The following CFAP47 variants were observed in gnomAD, a reference collection of about 807,000 sequenced individuals.
CFAP47 encodes cilia and flagella associated protein 47, also known as cilia- and flagella-associated protein 47.
In CFAP47, 29 loss-of-function variants were observed where a neutral mutation model predicts 148.1. The observed-to-expected ratio is 0.20, with a 90% confidence interval of 0.15 to 0.27. The LOEUF (loss-of-function observed/expected upper bound fraction) is 0.27. Among genes scored for constraint, CFAP47 ranks in the 10% least tolerant of loss-of-function variants. CFAP47 has a pLI of 1.00. For synonymous variants in CFAP47, 664 were observed against 577.3 expected, an observed-to-expected ratio of 1.15 and a Z score of -2.15; for missense variants, 1,872 against 1,697.5, an observed-to-expected ratio of 1.10 and a Z score of -1.81.
chrX:36,133,349 G>T (rs1160328613), intron 33 of CFAP47, among the ~76,000 whole-genome samples: 1 of 111,090 alleles, frequency 9.0e-6, no homozygotes, highest in Non-Finnish European at 1.9e-5. Context: ...ACTACAGATT[G>T]GGTAATTTAT....
intron 32 of CFAP47, among the ~76,000 whole-genome samples, chrX:36,100,990 A>G (rs755549969): frequency 6.3e-5 from 7 of 111,072 alleles, no homozygotes; most frequent in East Asian, 2.9e-4. Flanking sequence ...TCAGCCACCC[A>G]GATCACCCTC....
In CFAP47 at chrX:35,966,189, A is replaced by ACTAATATTTAAGAGATATTAGCTG. The variant is rs1411471682; in HGVS notation, c.1411-363_1411-362insGATATTAGCTGCTAATATTTAAGA. ...TTAAATAATTTCATTACTTAAAGTT[A>ACTAATATTTAAGAGATATTAGCTG]CTAATATTTAAGAAATATTAGCTGC... is the stretch of plus-strand genomic sequence containing the variant. On this transcript the variant is annotated intron_variant, in intron 8 of 63. Coordinates refer to ENST00000378653, the MANE Select transcript of CFAP47 (RefSeq NM_001304548.2). Among the ~76,000 whole-genome samples, 57 of 16,181 alleles carry ACTAATATTTAAGAGATATTAGCTG rather than the reference A, an allele frequency of 3.5e-3. 22 individuals are homozygous for ACTAATATTTAAGAGATATTAGCTG. The highest frequency in any genetic ancestry group is 8.5e-3 in the East Asian group (4 of 472). The allele number at this position is 16,181 out of a possible 115,157, so 14.1% of individuals were successfully genotyped here.
chrX:36,197,414 C>T (rs1458379586), intron 42 of CFAP47, among the ~76,000 whole-genome samples: 2 of 112,350 alleles, frequency 1.8e-5, no homozygotes, highest in African/African-American at 6.4e-5. Context: ...TAACTCTACA[C>T]TCAATGAGTC....
chrX:36,159,275 A>C (rs190790048), intron 37 of CFAP47, among the ~76,000 whole-genome samples, 151 bp from the exon 38 acceptor site: 26 of 112,330 alleles, frequency 2.3e-4, no homozygotes, highest in African/African-American at 7.7e-4. Context: ...AACCGATGAC[A>C]ATAACTAGAT....
intron 45 of CFAP47, 111 bp from the exon 46 acceptor site, chrX:36,228,517 A>C (rs943972578): frequency 1.3e-5 from 6 of 456,268 alleles, no homozygotes; most frequent in Non-Finnish European, 2.3e-5. Flanking sequence ...AGTGAAACCT[A>C]TTCTAGGTTA....
intron 51 of CFAP47, among the ~76,000 whole-genome samples, chrX:36,286,940 T>C (rs1331469175): frequency 4.5e-5 from 5 of 111,384 alleles, no homozygotes; most frequent in African/African-American, 1.3e-4. Context: ...GCCTTTTTTT[T>C]CTGCAAGAGC....
At chrX:35,960,607 A>C (rs766807892) in intron 8 of CFAP47, among the ~76,000 whole-genome samples, 82 of 110,850 alleles carry the variant, frequency 7.4e-4, no homozygotes, top group Non-Finnish European at 1.4e-3. Flanking sequence ...TTATTTCTAA[A>C]TATTTTATCC....
chrX:36,139,949 A>C (rs1939111635), intron 35 of CFAP47, among the ~76,000 whole-genome samples: 1 of 111,606 alleles, frequency 9.0e-6, no homozygotes, highest in Admixed American at 9.5e-5. Context: ...ACTGCAATCA[A>C]TAATTTTAGT....
intron 48 of CFAP47, among the ~76,000 whole-genome samples, chrX:36,239,353 AT>A (rs1274016840): frequency 8.9e-6 from 1 of 112,460 alleles, no homozygotes; most frequent in Non-Finnish European, 1.9e-5. Context: ...AAAACTCGGA[AT>A]TCTGGAAAGA....
intron 26 of CFAP47, among the ~76,000 whole-genome samples, chrX:36,063,229 T>G (rs890914830): frequency 8.9e-6 from 1 of 111,876 alleles, no homozygotes; most frequent in Non-Finnish European, 1.9e-5. Context: ...TGTGTCTGTA[T>G]GCATTGGCAT....
In CFAP47 at chrX:36,308,429, A is replaced by G. The variant is rs782439100; in HGVS notation, c.8187+1553A>G. 9.9e-5 allele frequency among the ~76,000 whole-genome samples: 11 copies of G among 111,333 alleles called. No individual in the cohort carries two copies. The East Asian group carries it at 2.2e-3, about 23-fold the overall frequency. On this transcript the variant is annotated intron_variant, in intron 55 of 63. Coordinates refer to ENST00000378653, the MANE Select transcript of CFAP47 (RefSeq NM_001304548.2). ...TGTAACCTTTGTGATTTTTCTTGCC[A>G]TATTTATCATTGAATCATTTAGTTC...
chrX:36,113,431 T>A (rs748273410), intron 33 of CFAP47, among the ~76,000 whole-genome samples: 7 of 111,862 alleles, frequency 6.3e-5, no homozygotes, highest in Non-Finnish European at 1.1e-4. Context: ...CTTTTCTGGT[T>A]TGTGGGGTTT....
intron 55 of CFAP47, among the ~76,000 whole-genome samples, chrX:36,308,232 A>G (rs1300789838): frequency 1.8e-5 from 2 of 111,754 alleles, no homozygotes; most frequent in South Asian, 3.7e-4. Flanking sequence ...AATATTATCA[A>G]TTCAAACCTT....
intron 26 of CFAP47, 99 bp from the exon 27 acceptor site, chrX:36,065,544 C>A: frequency 8.6e-6 from 4 of 465,506 alleles, no homozygotes; most frequent in Admixed American, 4.2e-5. Context: ...ATGAATAAAT[C>A]ATGTCTTCAT....
intron 29 of CFAP47, among the ~76,000 whole-genome samples, chrX:36,077,826 A>G (rs775624018): frequency 1.6e-4 from 18 of 110,992 alleles, no homozygotes; most frequent in African/African-American, 5.9e-4. Flanking sequence ...CATGAGTTCA[A>G]GACAAGCCTG....
chrX:36,039,820 C>G (rs1937381999), intron 25 of CFAP47, among the ~76,000 whole-genome samples: 1 of 112,201 alleles, frequency 8.9e-6, no homozygotes, highest in Admixed American at 9.5e-5. Flanking sequence ...TACCATCTCT[C>G]AGACTTCTCT....
intron 18 of CFAP47, among the ~76,000 whole-genome samples, chrX:35,994,891 C>A (rs1374945841): frequency 9.0e-6 from 1 of 111,106 alleles, no homozygotes; most frequent in Non-Finnish European, 1.9e-5. Flanking sequence ...ACAAGATAAC[C>A]AGGGTCTTTG....
chrX:36,209,783 T>C (rs147225137), intron 45 of CFAP47, among the ~76,000 whole-genome samples: 1,186 of 111,515 alleles, frequency 0.011, 17 homozygotes, highest in African/African-American at 0.036. Context: ...TTAAAGTGTA[T>C]AATTCAATAG....
intron 55 of CFAP47, among the ~76,000 whole-genome samples, chrX:36,309,116 T>C (rs1296411885): frequency 9.0e-6 from 1 of 111,572 alleles, no homozygotes; most frequent in Non-Finnish European, 1.9e-5. Context: ...GAAGATTATG[T>C]TCTGAGATTT....
Sources: gnomAD v4.1 joint callset for allele counts (sites outside exome capture counted in the v4.1 genomes callset) on GRCh38, gnomAD v4.1.1 for gene constraint, MANE v1.5 for transcripts, NCBI Gene and HGNC (gene_info 2026-07-23, HGNC 2026-07-21) for gene names.